Variants in USP36 observed in about 807,000 individuals in gnomAD.
The protein encoded by USP36 is ubiquitin specific peptidase 36, also known as ubiquitin carboxyl-terminal hydrolase 36.
A neutral mutation model predicts 111.5 loss-of-function variants in USP36; 59 were observed. That is an observed-to-expected ratio of 0.53 (90% confidence interval 0.43 to 0.66). The LOEUF is 0.66. Among genes scored for constraint, USP36 ranks in the 30% least tolerant of loss-of-function variants. The pLI is 0.00. For missense variants in USP36, 1,488 were observed against 1,468.0 expected (o/e 1.01, Z -0.22); for synonymous variants, 628 against 581.0 (o/e 1.08, Z -1.16).
intron 6 of USP36, among the ~76,000 whole-genome samples, chr17:78,824,538 T>C (rs557941608): frequency 1.7e-4 from 26 of 152,256 alleles, no homozygotes; most frequent in African/African-American, 6.3e-4. Flanking sequence ...AGCAAGGCCC[T>C]GTCTCAAAAA....
At chr17:78,831,966 T>G (rs536788669) in intron 4 of USP36, among the ~76,000 whole-genome samples, 1 of 147,408 alleles carries the variant, frequency 6.8e-6, no homozygotes, top group Admixed American at 6.7e-5. Context: ...AAAAAAAGCT[T>G]CTTTCAGCCT....
intron 12 of USP36, 37 bp downstream of exon 12, chr17:78,813,736 G>T (rs763087148): frequency 6.3e-7 from 1 of 1,583,720 alleles, no homozygotes; most frequent in South Asian, 1.1e-5. Context: ...AAGAGCAGAG[G>T]GAGTGAGCTC....
At chr17:78,792,252 C>G (rs994331789), downstream of USP36, among the ~76,000 whole-genome samples, 1 of 151,974 alleles carries the variant, frequency 6.6e-6, no homozygotes, top group Non-Finnish European at 1.5e-5. Flanking sequence ...ATGGGAGATG[C>G]CTGAACATGT....
intron 1 of USP36, among the ~76,000 whole-genome samples, chr17:78,840,154 G>A (rs996543512): frequency 7.2e-5 from 11 of 152,152 alleles, no homozygotes. Context: ...TCCGTGGCGA[G>A]CGTTACGTAA....
At chr17:78,827,477 AG>A (rs2067669872) in intron 5 of USP36, 130 bp from the exon 6 acceptor site, 1 of 796,698 alleles carries the variant, frequency 1.3e-6, no homozygotes, top group East Asian at 2.7e-5. Context: ...GGAACAAGTG[AG>A]GAAAACAAGA....
intron 13 of USP36, among the ~76,000 whole-genome samples, chr17:78,810,114 C>T (rs1244311749): frequency 6.6e-6 from 1 of 151,418 alleles, no homozygotes; most frequent in Non-Finnish European, 1.5e-5. Context: ...CCAAAGTGCC[C>T]GGCCCCCCTC....
At chr17:78,815,725 C>T (rs547434860) in intron 10 of USP36, among the ~76,000 whole-genome samples, 3 of 152,064 alleles carry the variant, frequency 2.0e-5, no homozygotes, top group African/African-American at 7.2e-5. Flanking sequence ...AATACACGCA[C>T]ACATATACAT....
At chr17:78,822,833 A>G (rs2094362332) in intron 6 of USP36, among the ~76,000 whole-genome samples, 1 of 152,180 alleles carries the variant, frequency 6.6e-6, no homozygotes, top group Non-Finnish European at 1.5e-5. Flanking sequence ...TAAGGCCTCC[A>G]GGCATGAGGC....
chr17:78,829,640 T>C (rs11658299), intron 4 of USP36, among the ~76,000 whole-genome samples: 57,434 of 152,086 alleles, frequency 0.38, 11,338 homozygotes, highest in East Asian at 0.5. Flanking sequence ...CAATGGGGTA[T>C]GAACGTGTTC....
Position 78,790,458 on chromosome 17 carries a change from T to C in USP36, c.*21-2800A>G, listed in dbSNP as rs544922942. Among the ~76,000 whole-genome samples, 10 of 151,636 alleles carry C rather than the reference T, an allele frequency of 6.6e-5. No individual in the cohort carries two copies. In the East Asian group the frequency reaches 1.9e-3, roughly 29 times the overall value. On this transcript the variant is annotated intron_variant, in intron 3 of 3. Coordinates refer to the USP36 transcript ENST00000588130. The stretch of plus-strand genomic sequence containing the variant: ...GGCGTGTGCCACGAGGCCCGGCTAA[T>C]TTTTTTTTATTTTTAGTAGAGACAG...
At chr17:78,793,790 T>A (rs1454821913), downstream of USP36, among the ~76,000 whole-genome samples, 3 of 152,172 alleles carry the variant, frequency 2.0e-5, no homozygotes, top group African/African-American at 7.2e-5. Context: ...ATGTTAGGGA[T>A]AAACAGATGC....
At position 78,803,354 on chromosome 17, in the gene USP36, T is replaced by A; in HGVS notation, c.2810+31A>T. 1 of 1,594,540 alleles carries A rather than the reference T, an allele frequency of 6.3e-7. No homozygotes were observed. The highest frequency in any genetic ancestry group is 2.2e-5 in the East Asian group (1 of 44,554). ...GTTTTGCTTTGTTTCTCGTCAGAGG[T>A]AGACAGATGCCACTTTGCTCCTGCC... On this transcript the variant is annotated intron_variant, in intron 16 of 20. Coordinates refer to ENST00000449938, the MANE Select transcript of USP36 (RefSeq NM_001385174.1). This position sits in a 1 kb window ranked among gnomAD's most constrained non-coding sequence, Gnocchi z 4.6.
chr17:78,790,434 G>A (rs2093573893), intron 3 of USP36, among the ~76,000 whole-genome samples: 1 of 152,166 alleles, frequency 6.6e-6, no homozygotes, highest in Admixed American at 6.5e-5. Flanking sequence ...GGGACTACAG[G>A]CGTGTGCCAC....
intron 17 of USP36, among the ~76,000 whole-genome samples, chr17:78,800,533 C>T (rs573549330): frequency 6.6e-5 from 10 of 152,380 alleles, no homozygotes; most frequent in Admixed American, 6.5e-4. Context: ...CCTCATTTCT[C>T]CCTGCCTCCA....
At chr17:78,818,212 G>C (rs559946890) in intron 10 of USP36, among the ~76,000 whole-genome samples, 17 of 152,298 alleles carry the variant, frequency 1.1e-4, no homozygotes, top group African/African-American at 3.1e-4. Context: ...CATGGACAAT[G>C]CAAGTCCCAC....
intron 4 of USP36, among the ~76,000 whole-genome samples, chr17:78,831,766 A>G (rs1372945960): frequency 6.6e-6 from 1 of 151,894 alleles, no homozygotes; most frequent in East Asian, 1.9e-4. Context: ...ACACTGCCTA[A>G]CCAAATCTCT....
intron 10 of USP36, among the ~76,000 whole-genome samples, chr17:78,816,029 G>A (rs527598493): frequency 6.6e-6 from 1 of 152,290 alleles, no homozygotes; most frequent in African/African-American, 2.4e-5. Context: ...ATTCTTAGCA[G>A]TAATAGTGCC....
Position 78,799,615 on chromosome 17 carries a change from TA to T in USP36, c.3124+51del. On this transcript the variant is annotated intron_variant, in intron 18 of 20. Transcript: ENST00000449938. ...GGATCCATTCCACACCCTTCCCTCCTACAAAACCAACCAATGAAAGGCAAAC... is the reference window on the plus strand; with the variant it reads ...GGATCCATTCCACACCCTTCCCTCCTCAAAACCAACCAATGAAAGGCAAAC... 6 of 1,577,516 alleles carry T rather than the reference TA, an allele frequency of 3.8e-6. No homozygotes were observed. The South Asian group carries it at 5.6e-5, about 15-fold the overall frequency.
intron 17 of USP36, 122 bp downstream of exon 17, chr17:78,802,202 C>G: frequency 8.3e-7 from 1 of 1,205,902 alleles, no homozygotes; most frequent in Non-Finnish European, 1.1e-6. Flanking sequence ...GCGGTCCAAC[C>G]CCTCGCCCAG....
Sources: allele counts gnomAD v4.1 joint callset (sites outside exome capture counted in the v4.1 genomes callset), GRCh38; gene constraint gnomAD v4.1.1; non-coding constraint Gnocchi (gnomAD v3.1); transcripts MANE v1.5; gene names NCBI Gene and HGNC (gene_info 2026-07-23, HGNC 2026-07-21).